The following PRDM16 variants were observed in gnomAD, a reference collection of about 807,000 sequenced individuals.
PRDM16 encodes the protein histone-lysine N-methyltransferase PRDM16.
In PRDM16, 23 loss-of-function variants were observed where a neutral mutation model predicts 110.6. That is an observed-to-expected ratio of 0.21 (90% CI 0.15 to 0.29). The LOEUF is 0.29. PRDM16 is among the 10% of genes least tolerant of loss of function. PRDM16 has a pLI of 1.00. For missense variants in PRDM16, 1,615 were observed against 1,794.3 expected, an observed-to-expected ratio of 0.90 and a Z score of 1.81; for synonymous variants, 799 against 781.8, an observed-to-expected ratio of 1.02 and a Z score of -0.37.
At chr1:3,273,976 T>TAAAAAAAAAAAAA (rs927412647) in intron 3 of PRDM16, among the ~76,000 whole-genome samples, 2 of 68,538 alleles carry the variant, frequency 2.9e-5, no homozygotes, top group Non-Finnish European at 3.1e-5. Flanking sequence ...TATGGGGAGG[T>TAAAAAAAAAAAAA]AAAAAAAAAA....
chr1:3,346,502 C>T (rs1557623933), intron 3 of PRDM16, among the ~76,000 whole-genome samples: 2 of 152,176 alleles, frequency 1.3e-5, no homozygotes, highest in South Asian at 4.1e-4. Flanking sequence ...GGAGCACCCG[C>T]GGCATACGTG....
At chr1:3,095,500 C>T (rs931796769) in intron 1 of PRDM16, among the ~76,000 whole-genome samples, 12 of 152,090 alleles carry the variant, frequency 7.9e-5, no homozygotes, top group Non-Finnish European at 1.8e-4. Context: ...GGCTGTGTCC[C>T]GGGGCAGCCC....
chr1:3,101,824 T>C (rs577727519), intron 1 of PRDM16, among the ~76,000 whole-genome samples: 1 of 152,274 alleles, frequency 6.6e-6, no homozygotes, highest in Non-Finnish European at 1.5e-5. Context: ...ACATCCGTGT[T>C]AGGGCAAGAC....
chr1:3,166,351 C>T (rs1047709159), intron 1 of PRDM16, among the ~76,000 whole-genome samples: 12 of 152,238 alleles, frequency 7.9e-5, no homozygotes, highest in African/African-American at 2.9e-4. Flanking sequence ...ACAGGCCAGG[C>T]GTCTGACCGT....
intron 1 of PRDM16, among the ~76,000 whole-genome samples, chr1:3,130,091 A>G (rs1325249301): frequency 6.6e-6 from 1 of 152,076 alleles, no homozygotes; most frequent in Non-Finnish European, 1.5e-5. Context: ...CTGCTCCCCC[A>G]ACAGGTCCTG....
chr1:3,263,337 AT>A (rs1354689912), intron 3 of PRDM16, among the ~76,000 whole-genome samples: 1 of 152,214 alleles, frequency 6.6e-6, no homozygotes, highest in Non-Finnish European at 1.5e-5. Context: ...GTAGACCAGA[AT>A]TCTGGGGCCA....
In PRDM16 at chr1:3,208,926, C is replaced by T. The variant is rs1638816613; in HGVS notation, c.387+22452C>T. On this transcript the variant is annotated intron_variant, in intron 2 of 16. Coordinates refer to ENST00000270722, the MANE Select transcript of PRDM16 (RefSeq NM_022114.4). The surrounding 1 kb of genome is among the most constrained non-coding windows in gnomAD (Gnocchi z 6.1). The stretch of plus-strand genomic sequence containing the variant: ...AGTCTTGGGGACAGAAGAAACCTGG[C>T]TTTTCCCATGAACAGATGTCCCCCT... Among the ~76,000 whole-genome samples, 1 of 152,190 alleles carries T rather than the reference C, an allele frequency of 6.6e-6. No individual in the cohort carries two copies. Among genetic ancestry groups the T allele is most frequent in the Non-Finnish European group, 1.5e-5 (1 of 68,036 alleles).
At chr1:3,137,278 G>A (rs1034143984) in intron 1 of PRDM16, among the ~76,000 whole-genome samples, 4 of 152,372 alleles carry the variant, frequency 2.6e-5, no homozygotes, top group South Asian at 2.1e-4. Context: ...GGCCGCCACC[G>A]GCCCGGGTGC....
rs1641701628 is a variant in PRDM16 at position 3,069,744 on chromosome 1, G to T, written c.37+448G>T. Among the ~76,000 whole-genome samples the T allele has an allele frequency of 6.6e-6, 1 of 152,044 alleles. No homozygotes were observed. Among genetic ancestry groups the T allele is most frequent in the Non-Finnish European group, 1.5e-5 (1 of 67,988 alleles). On this transcript the variant is annotated intron_variant, in intron 1 of 16. Coordinates refer to ENST00000270722, the MANE Select transcript of PRDM16 (RefSeq NM_022114.4). This position sits in a 1 kb window ranked among gnomAD's most constrained non-coding sequence, Gnocchi z 6.1. ...TCTCTCCGAGTGGCTCTCAGTCCTG[G>T]TCAAATCATATTCCGGGCTTTTGAA... is the stretch of plus-strand genomic sequence containing the variant.
intron 1 of PRDM16, among the ~76,000 whole-genome samples, chr1:3,090,200 G>C (rs937584515): frequency 6.6e-6 from 1 of 152,216 alleles, no homozygotes; most frequent in Non-Finnish European, 1.5e-5. Flanking sequence ...ACGCCACCAC[G>C]GGGCTGGTCC....
At chr1:3,286,721 C>T (rs1364231383) in intron 3 of PRDM16, among the ~76,000 whole-genome samples, 2 of 152,270 alleles carry the variant, frequency 1.3e-5, no homozygotes, top group African/African-American at 4.8e-5. Context: ...ATTTTCATAC[C>T]GACAGCCTCT....
intron 12 of PRDM16, among the ~76,000 whole-genome samples, chr1:3,422,120 GA>G (rs1478267655): frequency 6.6e-6 from 1 of 150,868 alleles, no homozygotes; most frequent in African/African-American, 2.4e-5. Flanking sequence ...CAGACAGATG[GA>G]CAGACAGGCA....
chr1:3,129,104 G>C (rs985969606), intron 1 of PRDM16, among the ~76,000 whole-genome samples: 2 of 152,156 alleles, frequency 1.3e-5, no homozygotes, highest in African/African-American at 4.8e-5. Context: ...GCTGGTGTGC[G>C]TGCATGGGTG....
At chr1:3,085,288 C>T (rs1016998974) in intron 1 of PRDM16, among the ~76,000 whole-genome samples, 18 of 152,190 alleles carry the variant, frequency 1.2e-4, no homozygotes, top group Non-Finnish European at 2.1e-4. Flanking sequence ...CTATGGTGGC[C>T]TTCGCTTGCT....
chr1:3,117,841 A>C (rs565245029), intron 1 of PRDM16, among the ~76,000 whole-genome samples: 1 of 152,124 alleles, frequency 6.6e-6, no homozygotes, highest in Non-Finnish European at 1.5e-5. Context: ...GCCTCCGCAC[A>C]TTCATGTTTC....
chr1:3,345,813 TGTGCTGCCCTCTCGGGTCCTCCC>T (rs894283019), intron 3 of PRDM16, among the ~76,000 whole-genome samples: 13 of 73,530 alleles, frequency 1.8e-4, no homozygotes, highest in African/African-American at 8.1e-4. Context: ...TGGTTCCTCC[TGTGCTGCCCTCTCGGGTCCTCCC>T]GTGCTGCCCT....
chr1:3,165,466 T>A (rs1468995159), intron 1 of PRDM16, among the ~76,000 whole-genome samples: 2,293 of 65,744 alleles, frequency 0.035, 51 homozygotes, highest in African/African-American at 0.077. Flanking sequence ...GTGACTCACC[T>A]GGGCTCAGGG....
At chr1:3,376,981 T>C (rs1400686713) in intron 3 of PRDM16, among the ~76,000 whole-genome samples, 2 of 152,206 alleles carry the variant, frequency 1.3e-5, no homozygotes, top group Non-Finnish European at 1.5e-5. Context: ...CCGAGGTGTT[T>C]CCAGAACGCC....
chr1:3,222,379 G>A (rs1639172888), intron 2 of PRDM16, among the ~76,000 whole-genome samples: 1 of 152,214 alleles, frequency 6.6e-6, no homozygotes, highest in Non-Finnish European at 1.5e-5. Flanking sequence ...TGGGTGCTGG[G>A]ACTTCCTCTT....
Sources: gnomAD v4.1 joint callset for allele counts (sites outside exome capture counted in the v4.1 genomes callset) on GRCh38, gnomAD v4.1.1 for gene constraint, Gnocchi (gnomAD v3.1) non-coding constraint, MANE v1.5 for transcripts, NCBI Gene and HGNC (gene_info 2026-07-23, HGNC 2026-07-21) for gene names.